Variants in RXRA observed in about 807,000 individuals in gnomAD.
RXRA encodes the protein retinoid X receptor alpha, also known as retinoic acid receptor RXR-alpha.
In RXRA, 5 loss-of-function variants were observed where a neutral mutation model predicts 44.5. The ratio of observed to expected loss-of-function variants is 0.11; its 90% CI spans 0.06 to 0.24. The LOEUF (loss-of-function observed/expected upper bound fraction) is 0.24, where lower values mean the gene tolerates loss of function less well. Among genes scored for constraint, RXRA ranks in the 10% least tolerant of loss-of-function variants. RXRA has a pLI of 1.00. For missense variants in RXRA, 412 were observed against 646.5 expected (o/e 0.64, Z 3.93); for synonymous variants, 291 against 271.4 (o/e 1.07, Z -0.71).
intron 1 of RXRA, among the ~76,000 whole-genome samples, chr9:134,369,000 G>A (rs2119075864): frequency 1.0e-5 from 1 of 97,932 alleles, no homozygotes; most frequent in African/African-American, 5.1e-5. Context: ...TGCGGGGCTT[G>A]TGTGTGTGTG....
rs1805342 is a variant in RXRA at position 134,436,854 on chromosome 9, C to T, written c.*240C>T. 1.1e-3 allele frequency: 580 copies of T among 522,788 alleles called. 7 individuals are homozygous for T. Among genetic ancestry groups the T allele is most frequent in the African/African-American group, 9.5e-3 (496 of 52,392 alleles). 32.4% of individuals were successfully genotyped at this position (522,788 alleles called of 1,614,324 possible). On this transcript the variant is annotated 3_prime_UTR_variant, in exon 10 of 10. Coordinates refer to ENST00000481739, the MANE Select transcript of RXRA (RefSeq NM_002957.6). ...CAGCAGCCTTCGTGGCAAGAACTAG[C>T]GTGAGCCCAGCCAGGCGCCTCCCCA... is the stretch of plus-strand genomic sequence containing the variant.
At chr9:134,422,769 G>A in intron 6 of RXRA, 4 of 985,466 alleles carry the variant, frequency 4.1e-6, no homozygotes, top group Non-Finnish European at 4.8e-6. Context: ...CCCTCATAAG[G>A]AGGTGTACCA....
chr9:134,410,714 G>C (rs1259335228), intron 4 of RXRA, among the ~76,000 whole-genome samples: 1 of 152,178 alleles, frequency 6.6e-6, no homozygotes. Context: ...GCTGGGGGGG[G>C]AAGGCCTCGT....
intron 6 of RXRA, chr9:134,425,823 C>T: frequency 3.0e-6 from 3 of 985,414 alleles, no homozygotes; most frequent in Admixed American, 6.1e-5. Context: ...TGGGGGGGCC[C>T]TGCCCTGCCT....
intron 1 of RXRA, among the ~76,000 whole-genome samples, chr9:134,367,969 C>T (rs926736641): frequency 1.2e-4 from 18 of 152,260 alleles, no homozygotes; most frequent in African/African-American, 4.3e-4. Flanking sequence ...CGGAGATGCT[C>T]GGCCGATAAG....
chr9:134,404,297 G>T (rs1485824723), intron 2 of RXRA: 1 of 152,612 alleles, frequency 6.6e-6, no homozygotes. Flanking sequence ...CCCTCCTGGT[G>T]GGGGAATAGG....
At chr9:134,332,425 A>G (rs1835019461) in intron 1 of RXRA, among the ~76,000 whole-genome samples, 2 of 152,094 alleles carry the variant, frequency 1.3e-5, no homozygotes, top group South Asian at 4.1e-4. Flanking sequence ...GAGCCTTGAC[A>G]ACCCTGGCTG....
At chr9:134,390,698 C>T (rs1048349423) in intron 1 of RXRA, among the ~76,000 whole-genome samples, 4 of 152,164 alleles carry the variant, frequency 2.6e-5, no homozygotes, top group Admixed American at 6.5e-5. Flanking sequence ...GCAGGGAGGG[C>T]GCCCATGTTG....
intron 6 of RXRA, chr9:134,422,821 C>G (rs921384162): frequency 6.1e-6 from 6 of 985,314 alleles, no homozygotes; most frequent in African/African-American, 5.2e-5. Context: ...AATGGGCTGT[C>G]GGTGGAGGTT....
intron 6 of RXRA, chr9:134,423,805 C>T: frequency 2.0e-6 from 2 of 985,478 alleles, no homozygotes; most frequent in Non-Finnish European, 2.4e-6. Flanking sequence ...TTGCCAGCTG[C>T]AGGCCTGCCT....
intron 1 of RXRA, among the ~76,000 whole-genome samples, chr9:134,340,353 A>T (rs1313410332): frequency 6.6e-6 from 1 of 152,010 alleles, no homozygotes; most frequent in Non-Finnish European, 1.5e-5. Context: ...CATCGTGGGG[A>T]TGGTGGTTTG....
intron 1 of RXRA, among the ~76,000 whole-genome samples, chr9:134,386,034 A>G (rs186548398): frequency 5.3e-5 from 8 of 152,348 alleles, no homozygotes; most frequent in South Asian, 4.1e-4. Flanking sequence ...GCTTTGGCCA[A>G]TGGCAGCCGC....
chr9:134,428,798 C>T (rs893278994), intron 6 of RXRA, among the ~76,000 whole-genome samples: 2 of 152,186 alleles, frequency 1.3e-5, no homozygotes, highest in African/African-American at 4.8e-5. Context: ...CCACGTGCTC[C>T]GTGGCAGGAG....
chr9:134,406,792 CCAGGGTTTCCCATG>C lies in RXRA; in HGVS notation c.280-1351_280-1338del, dbSNP rs1380359458. Among the ~76,000 whole-genome samples, 5 of 152,232 alleles carry C rather than the reference CCAGGGTTTCCCATG, an allele frequency of 3.3e-5. No homozygotes were observed. In the East Asian group the frequency reaches 9.6e-4, roughly 29 times the overall value. ...GCCGCAGCCTCTGCATCTGGGACAC[CCAGGGTTTCCCATG>C]CAGGGAGTGTCAAGTGTGGGTGCAA... On this transcript the variant is annotated intron_variant, in intron 2 of 9. Transcript: ENST00000481739.
chr9:134,370,143 C>T (rs888279772), intron 1 of RXRA, among the ~76,000 whole-genome samples: 6 of 152,180 alleles, frequency 3.9e-5, no homozygotes, highest in East Asian at 1.9e-4. Context: ...TCTGATGTCC[C>T]GGGTCGGAAG....
intron 1 of RXRA, among the ~76,000 whole-genome samples, chr9:134,370,354 C>T (rs1411995186): frequency 1.3e-5 from 2 of 152,196 alleles, no homozygotes; most frequent in Non-Finnish European, 2.9e-5. Flanking sequence ...GCTGGGAGCA[C>T]GTCAGGCCTC....
chr9:134,417,094 A>G lies in RXRA; in HGVS notation c.611-64A>G. The G allele has an allele frequency of 6.5e-7, 1 of 1,535,328 alleles. No homozygotes were observed. Among genetic ancestry groups the G allele is most frequent in the Non-Finnish European group, 8.8e-7 (1 of 1,140,638 alleles). ...GGAGCTGGCACCACCCGGCCAGGAC[A>G]GCCTTCCCTGGGAGCCACTGGCCGG... On this transcript the variant is annotated intron_variant, in intron 4 of 9. Coordinates refer to ENST00000481739, the MANE Select transcript of RXRA (RefSeq NM_002957.6). This position sits in a 1 kb window ranked among gnomAD's most constrained non-coding sequence, Gnocchi z 6.1.
intron 9 of RXRA, among the ~76,000 whole-genome samples, chr9:134,435,477 G>A (rs976187809): frequency 4.6e-5 from 6 of 131,656 alleles, no homozygotes; most frequent in East Asian, 2.6e-4. Flanking sequence ...CTCCCTCCCC[G>A]GCCAGCCTTC....
Position 134,426,232 on chromosome 9 carries a change from G to A in RXRA, c.911-2876G>A, listed in dbSNP as rs766039730. ...GAGGTCCTCCTTCTGAAAGGCCAGC[G>A]CACCCTGAGCCGTTTAAAGCTGTGT... On this transcript the variant is annotated intron_variant, in intron 6 of 9. Coordinates refer to ENST00000481739, the MANE Select transcript of RXRA (RefSeq NM_002957.6). The surrounding 1 kb of genome is among the most constrained non-coding windows in gnomAD (Gnocchi z 4.6). The A allele has an allele frequency of 1.4e-4, 135 of 985,414 alleles. No homozygotes were observed. The highest frequency in any genetic ancestry group is 4.4e-4 in the African/African-American group (25 of 57,340). 61.0% of individuals were successfully genotyped at this position (985,414 alleles called of 1,614,324 possible). A position where few individuals can be genotyped will look rare whatever the true frequency, so the allele number is the denominator to read the frequency against.
Sources: gnomAD v4.1 joint callset for allele counts (sites outside exome capture counted in the v4.1 genomes callset) on GRCh38, gnomAD v4.1.1 for gene constraint, Gnocchi (gnomAD v3.1) non-coding constraint, MANE v1.5 for transcripts, NCBI Gene and HGNC (gene_info 2026-07-23, HGNC 2026-07-21) for gene names.